Variants in RUNDC3B observed in about 807,000 individuals in gnomAD.
RUNDC3B encodes the protein RUN domain-containing protein 3B.
RUNDC3B carries 33 observed loss-of-function variants against 58.4 expected under a neutral mutation model. The ratio of observed to expected loss-of-function variants is 0.56; its 90% CI spans 0.43 to 0.75. RUNDC3B has a LOEUF of 0.75. RUNDC3B is among the 30% of genes least tolerant of loss of function. RUNDC3B has a pLI of 0.00. For missense variants in RUNDC3B, 501 were observed against 535.7 expected (o/e 0.94, Z 0.64); for synonymous variants, 193 against 195.2 (o/e 0.99, Z 0.10).
intron 4 of RUNDC3B, among the ~76,000 whole-genome samples, chr7:87,737,809 A>C (rs577935059): frequency 3.3e-5 from 5 of 152,082 alleles, no homozygotes; most frequent in African/African-American, 1.2e-4. Flanking sequence ...TATAGCAACC[A>C]TTTTACTTAT....
chr7:87,755,365 G>T (rs867386081), intron 6 of RUNDC3B, among the ~76,000 whole-genome samples: 1 of 152,004 alleles, frequency 6.6e-6, no homozygotes, highest in Non-Finnish European at 1.5e-5. Flanking sequence ...TATTGAGGAG[G>T]AAAGACTCCT....
At chr7:87,825,778 G>A (rs1837772476) in intron 10 of RUNDC3B, among the ~76,000 whole-genome samples, 1 of 152,238 alleles carries the variant, frequency 6.6e-6, no homozygotes, top group South Asian at 2.1e-4. Flanking sequence ...TGACCTGGAT[G>A]TGAGACAGGG....
At chr7:87,696,249 T>G (rs920238073) in intron 2 of RUNDC3B, among the ~76,000 whole-genome samples, 12 of 152,182 alleles carry the variant, frequency 7.9e-5, no homozygotes, top group South Asian at 2.1e-4. Context: ...AGTTTCTTGC[T>G]ATATGATTGT....
chr7:87,662,881 CAT>C (rs1824857968), intron 2 of RUNDC3B, among the ~76,000 whole-genome samples: 1 of 152,108 alleles, frequency 6.6e-6, no homozygotes, highest in African/African-American at 2.4e-5. Context: ...AATTCACTAA[CAT>C]GGAATATCTT....
Position 87,628,832 on chromosome 7 carries a change from C to T in RUNDC3B, c.9C>T (p.Ser3=). 8.0e-7 allele frequency: 1 copy of T among 1,257,312 alleles called. No homozygotes were observed. Among genetic ancestry groups the T allele is most frequent in the Non-Finnish European group, 1.0e-6 (1 of 992,660 alleles). The allele number at this position is 1,257,312 out of a possible 1,614,324, so 77.9% of individuals were successfully genotyped here. ...ACGGGGGTAAGCCCGCCATGGCCTC[C>T]CGGAGCCTGGGGGGCCTGAGCGGGA... is the stretch of plus-strand genomic sequence containing the variant. MA[S]RSLGGLSGIR... The change falls in exon 1 of 11, where the codon TCC becomes TCT. Residue 3 remains serine, a synonymous_variant. Transcript: ENST00000394654.
intron 2 of RUNDC3B, among the ~76,000 whole-genome samples, chr7:87,686,165 C>G (rs1016586580): frequency 2.0e-5 from 3 of 152,082 alleles, no homozygotes; most frequent in African/African-American, 7.2e-5. Context: ...TTTTTTCTTA[C>G]AATTTTTCTA....
At chr7:87,722,790 C>T (rs1174282574) in intron 4 of RUNDC3B, among the ~76,000 whole-genome samples, 1 of 152,160 alleles carries the variant, frequency 6.6e-6, no homozygotes, top group Non-Finnish European at 1.5e-5. Flanking sequence ...CAAGCATACT[C>T]TCTTTGCTTA....
chr7:87,814,694 A>G (rs1430296524), intron 9 of RUNDC3B, among the ~76,000 whole-genome samples: 1 of 152,196 alleles, frequency 6.6e-6, no homozygotes, highest in Non-Finnish European at 1.5e-5. Context: ...CATAGCTCAT[A>G]TAAATGTTAT....
rs1435255278 is a variant in RUNDC3B at position 87,831,595 on chromosome 7, G to A, written c.*1565G>A. ...AGAAATGCAAATATTCTTGAGAAAT[G>A]ATACATTTTTTGTTCTCAATTTCTC... On this transcript the variant is annotated 3_prime_UTR_variant, in exon 11 of 11. Transcript: ENST00000394654. 2.0e-5 allele frequency: 3 copies of A among 151,966 alleles called. No individual in the cohort carries two copies. The highest frequency in any genetic ancestry group is 4.1e-4 in the South Asian group (2 of 4,828). 9.4% of individuals were successfully genotyped at this position (151,966 alleles called of 1,614,324 possible).
intron 2 of RUNDC3B, among the ~76,000 whole-genome samples, chr7:87,688,021 C>G (rs1190126633): frequency 2.6e-5 from 4 of 152,066 alleles, no homozygotes; most frequent in Non-Finnish European, 5.9e-5. Flanking sequence ...CCAATAAAAT[C>G]CCATATACTC....
intron 2 of RUNDC3B, among the ~76,000 whole-genome samples, chr7:87,658,921 G>C (rs1462099408): frequency 6.6e-6 from 1 of 152,178 alleles, no homozygotes; most frequent in Non-Finnish European, 1.5e-5. Flanking sequence ...GGAGGCCAAA[G>C]CAAGCGGATC....
At chr7:87,632,449 A>G (rs889629247) in intron 1 of RUNDC3B, among the ~76,000 whole-genome samples, 2 of 152,144 alleles carry the variant, frequency 1.3e-5, no homozygotes, top group Non-Finnish European at 2.9e-5. Flanking sequence ...CATAGTCCTT[A>G]TTTCATCAGA....
intron 4 of RUNDC3B, among the ~76,000 whole-genome samples, chr7:87,721,376 A>G (rs1830877790): frequency 6.6e-6 from 1 of 152,094 alleles, no homozygotes; most frequent in African/African-American, 2.4e-5. Context: ...ACATTATGGT[A>G]TGCTTCTGAT....
chr7:87,794,907 C>A (rs1835734106), intron 8 of RUNDC3B, among the ~76,000 whole-genome samples: 1 of 152,064 alleles, frequency 6.6e-6, no homozygotes, highest in South Asian at 2.1e-4. Context: ...TATAAATAAA[C>A]CAGATATCCG....
At position 87,655,526 on chromosome 7, in the gene RUNDC3B, G is replaced by A. The variant is rs578060677; in HGVS notation, c.238+4589G>A. Among the ~76,000 whole-genome samples the A allele has an allele frequency of 1.2e-4, 18 of 152,198 alleles. No individual in the cohort carries two copies. The South Asian group carries it at 1.2e-3, about 11-fold the overall frequency. On this transcript the variant is annotated intron_variant, in intron 2 of 10. Transcript: ENST00000394654. ...CATGGCATCTAAAAAAGTTGAATTC[G>A]TAGAAGTAGAGAGTAGAATGGTGGT...
At chr7:87,718,796 A>G (rs1243308217) in intron 4 of RUNDC3B, among the ~76,000 whole-genome samples, 1 of 152,176 alleles carries the variant, frequency 6.6e-6, no homozygotes, top group African/African-American at 2.4e-5. Flanking sequence ...TATTTCCAAT[A>G]AGATTTTAAA....
At chr7:87,754,931 T>C (rs1308606507) in intron 6 of RUNDC3B, among the ~76,000 whole-genome samples, 2 of 84,834 alleles carry the variant, frequency 2.4e-5, no homozygotes, top group Non-Finnish European at 4.7e-5. Flanking sequence ...CAGTAATAAA[T>C]AGCTTACCAA....
chr7:87,721,572 A>G (rs2130775854), intron 4 of RUNDC3B, among the ~76,000 whole-genome samples: 1 of 152,292 alleles, frequency 6.6e-6, no homozygotes, highest in African/African-American at 2.4e-5. Context: ...TGAGGACTAC[A>G]TTTGGACTAT....
chr7:87,765,274 ATT>A (rs139031558), intron 6 of RUNDC3B, among the ~76,000 whole-genome samples: 3 of 149,348 alleles, frequency 2.0e-5, no homozygotes, highest in African/African-American at 7.4e-5. Context: ...CTTTGGGTTG[ATT>A]TTTTTTTGTC....
Sources: allele counts gnomAD v4.1 joint callset (sites outside exome capture counted in the v4.1 genomes callset), GRCh38; gene constraint gnomAD v4.1.1; transcripts MANE v1.5; gene names NCBI Gene and HGNC (gene_info 2026-07-23, HGNC 2026-07-21).